The following PROM1 variants were observed in gnomAD, a reference collection of about 807,000 sequenced individuals.
The protein encoded by PROM1 is prominin-1.
PROM1 carries 105 observed loss-of-function variants against 116.9 expected under a neutral mutation model. The observed-to-expected ratio is 0.90, with a 90% confidence interval of 0.77 to 1.06. The LOEUF is 1.06. Ranked by LOEUF, PROM1 falls within the 50% of genes least tolerant of loss-of-function variation. The pLI, the probability that PROM1 is intolerant of heterozygous loss-of-function variation, is 0.00. For synonymous variants in PROM1, 393 were observed against 387.0 expected (o/e 1.02, Z -0.18); for missense variants, 1,122 against 1,045.2 (o/e 1.07, Z -1.01).
chr4:16,032,412 C>T (rs1359320302), intron 5 of PROM1, among the ~76,000 whole-genome samples: 1 of 152,116 alleles, frequency 6.6e-6, no homozygotes, highest in South Asian at 2.1e-4. Context: ...GTTAAAATTC[C>T]TGAATATCAC....
At position 16,016,345 on chromosome 4, in the gene PROM1, T is replaced by A. The variant is rs1728392066; in HGVS notation, c.1003-105A>T. On this transcript the variant is annotated intron_variant, in intron 9 of 27. Transcript: ENST00000447510. Reference sequence around the variant, plus strand: ...ATTCCAAGTCCCAAAGCATCTATACTACAGGGTACAATCGCAGTTTCTTTT... The same window carrying A: ...ATTCCAAGTCCCAAAGCATCTATACAACAGGGTACAATCGCAGTTTCTTTT... The A allele has an allele frequency of 3.4e-6, 3 of 872,462 alleles. No individual in the cohort carries two copies. In the Admixed American group the frequency reaches 8.5e-5, roughly 25 times the overall value. 54.0% of individuals were successfully genotyped at this position (872,462 alleles called of 1,614,324 possible).
intron 2 of PROM1, among the ~76,000 whole-genome samples, chr4:16,069,440 C>T (rs979860047): frequency 2.0e-5 from 3 of 152,204 alleles, no homozygotes; most frequent in Non-Finnish European, 4.4e-5. Flanking sequence ...CAATCTTTTA[C>T]AATGCATACT....
rs1375412567 is a variant in PROM1, at chr4:15,992,452, G to A, written c.1768-61C>T. The A allele has an allele frequency of 3.2e-6, 5 of 1,556,770 alleles. No homozygotes were observed. The Middle Eastern group carries it at 8.5e-4, about 265-fold the overall frequency. On this transcript the variant is annotated intron_variant, in intron 16 of 27. Coordinates refer to ENST00000447510, the MANE Select transcript of PROM1 (RefSeq NM_006017.3). ...TCTCCAAGAATGTCACAAACCAAAT[G>A]CTTTAAAAGAGCAATAAAAGCTGGA...
chr4:16,045,803 T>C (rs1045863306), intron 2 of PROM1, among the ~76,000 whole-genome samples: 2 of 152,112 alleles, frequency 1.3e-5, no homozygotes, highest in Non-Finnish European at 1.5e-5. Context: ...GTACTTGCAC[T>C]CATAAAAATC....
intron 14 of PROM1, 41 bp from the exon 15 acceptor site, chr4:15,998,529 C>T (rs376574545): frequency 6.7e-7 from 1 of 1,502,974 alleles, no homozygotes; most frequent in Non-Finnish European, 8.9e-7. Flanking sequence ...ATCAGTTTTA[C>T]ACTAACATAC....
intron 17 of PROM1, among the ~76,000 whole-genome samples, 156 bp downstream of exon 17, chr4:15,992,092 C>T (rs188802107): frequency 2.5e-4 from 38 of 152,190 alleles, no homozygotes; most frequent in Admixed American, 7.2e-4. Flanking sequence ...AGTTGTGCAG[C>T]ACTGTGAATG....
chr4:16,058,033 G>A (rs1739440686), intron 2 of PROM1, among the ~76,000 whole-genome samples: 1 of 151,824 alleles, frequency 6.6e-6, no homozygotes, highest in African/African-American at 2.4e-5. Context: ...AATTGTTCAG[G>A]AAAAAAAGAC....
intron 2 of PROM1, among the ~76,000 whole-genome samples, chr4:16,044,684 G>A (rs7689644): frequency 0.022 from 3,422 of 152,314 alleles, 126 homozygotes; most frequent in African/African-American, 0.078. Context: ...GAGACTTGCA[G>A]AAACTAGGTT....
chr4:16,015,606 C>T (rs556548537), intron 10 of PROM1, among the ~76,000 whole-genome samples: 1 of 151,934 alleles, frequency 6.6e-6, no homozygotes, highest in Non-Finnish European at 1.5e-5. Context: ...AGGAGAATCG[C>T]TTGAACTCGG....
rs540003024 is a variant in PROM1 at position 15,998,452 on chromosome 4, C to T, written c.1615G>A (p.Glu539Lys). 7 of 1,608,450 alleles carry T rather than the reference C, an allele frequency of 4.4e-6. No individual in the cohort carries two copies. Among genetic ancestry groups the T allele is most frequent in the Admixed American group, 1.7e-5 (1 of 58,698 alleles). ...DTPYLLNEDW[E>K]YYLSGKLFNK... ...AATAGCTTCCCAGAGAGATAGTATTCCCAGTCTTCATTTAGTAAGTAGGGT... is the reference window on the plus strand; with the variant it reads ...AATAGCTTCCCAGAGAGATAGTATTTCCAGTCTTCATTTAGTAAGTAGGGT... The change falls in exon 15 of 28, where the codon GAA becomes AAA. Residue 539 changes from glutamate (E) to lysine (K), a missense_variant. Transcript: ENST00000447510.
intron 2 of PROM1, among the ~76,000 whole-genome samples, chr4:16,065,529 G>T (rs921141085): frequency 6.6e-6 from 1 of 152,180 alleles, no homozygotes; most frequent in Admixed American, 6.5e-5. Flanking sequence ...GATTGTGGAG[G>T]TGGAGGTCTC....
chr4:16,045,388 T>C (rs1046937334), intron 2 of PROM1, among the ~76,000 whole-genome samples: 2 of 152,078 alleles, frequency 1.3e-5, no homozygotes. Context: ...GCAGAACCAT[T>C]AGGTAGAGCG....
In PROM1 at chr4:16,046,290, G is replaced by T. The variant is rs1578198121; in HGVS notation, c.221-7289C>A. 3.3e-5 allele frequency among the ~76,000 whole-genome samples: 5 copies of T among 152,326 alleles called. No individual in the cohort carries two copies. The South Asian group carries it at 1.0e-3, about 32-fold the overall frequency. ...GCACTTTCTCCAGGGTTCCCATATG[G>T]AAGGGATCTTAAATTACAAACAGAG... On this transcript the variant is annotated intron_variant, in intron 2 of 27. Coordinates refer to ENST00000447510, the MANE Select transcript of PROM1 (RefSeq NM_006017.3).
At chr4:16,034,920 G>C (rs1733631466) in intron 4 of PROM1, among the ~76,000 whole-genome samples, 1 of 152,208 alleles carries the variant, frequency 6.6e-6, no homozygotes, top group Admixed American at 6.5e-5. Flanking sequence ...ATGACTGAAT[G>C]TGAAAACAAC....
chr4:16,036,363 C>G (rs1168450172), intron 3 of PROM1, among the ~76,000 whole-genome samples: 2 of 152,186 alleles, frequency 1.3e-5, no homozygotes, highest in African/African-American at 4.8e-5. Flanking sequence ...ATTGCCTCAG[C>G]TGGCAGATCT....
intron 13 of PROM1, among the ~76,000 whole-genome samples, chr4:16,004,844 C>CCTT (rs1724851473): frequency 7.8e-6 from 1 of 127,824 alleles, no homozygotes; most frequent in Non-Finnish European, 1.7e-5. Context: ...TTCCTTCCTT[C>CCTT]CTTCCTTCCT....
intron 15 of PROM1, 137 bp downstream of exon 15, chr4:15,998,248 T>G (rs1237319674): frequency 2.3e-6 from 3 of 1,312,832 alleles, no homozygotes; most frequent in Admixed American, 7.0e-5. Context: ...TACTGTGTCT[T>G]TAAAATAATA....
At chr4:16,027,359 C>T (rs182372787) in intron 5 of PROM1, among the ~76,000 whole-genome samples, 2 of 151,644 alleles carry the variant, frequency 1.3e-5, no homozygotes, top group Admixed American at 1.3e-4. Flanking sequence ...GAGCTTGCTG[C>T]CATGCCAAAT....
chr4:15,975,856 T>C (rs1029532136), intron 26 of PROM1, among the ~76,000 whole-genome samples: 3 of 152,208 alleles, frequency 2.0e-5, no homozygotes, highest in Non-Finnish European at 4.4e-5. Flanking sequence ...ATTGTTACCA[T>C]GAAAGATGCT....
Sources: gnomAD v4.1 joint callset for allele counts (sites outside exome capture counted in the v4.1 genomes callset) on GRCh38, gnomAD v4.1.1 for gene constraint, MANE v1.5 for transcripts, NCBI Gene and HGNC (gene_info 2026-07-23, HGNC 2026-07-21) for gene names.